SERPINI1: variants seen among roughly 807,000 people sequenced by gnomAD.
The protein encoded by SERPINI1 is neuroserpin.
A neutral mutation model predicts 41.1 loss-of-function variants in SERPINI1; 19 were observed. The observed-to-expected ratio is 0.46, with a 90% CI of 0.32 to 0.68. The LOEUF is 0.68. Among genes scored for constraint, SERPINI1 ranks in the 30% least tolerant of loss-of-function variants. The pLI, the probability that SERPINI1 is intolerant of heterozygous loss-of-function variation, is 0.03. For synonymous variants in SERPINI1, 138 were observed against 156.6 expected, an observed-to-expected ratio of 0.88 and a Z score of 0.89; for missense variants, 460 against 479.2, an observed-to-expected ratio of 0.96 and a Z score of 0.37.
At chr3:167,784,480 G>A (rs1399048534) in intron 1 of SERPINI1, among the ~76,000 whole-genome samples, 1 of 152,150 alleles carries the variant, frequency 6.6e-6, no homozygotes, top group Non-Finnish European at 1.5e-5. Flanking sequence ...TTCTCACACG[G>A]CTATGAAGAA....
intron 1 of SERPINI1, among the ~76,000 whole-genome samples, chr3:167,786,274 G>T (rs1157902507): frequency 6.6e-6 from 1 of 152,028 alleles, no homozygotes; most frequent in Non-Finnish European, 1.5e-5. Flanking sequence ...AGGCCAAGGC[G>T]GGCGGATCAC....
At chr3:167,792,114 G>A (rs1325462130) in intron 3 of SERPINI1, among the ~76,000 whole-genome samples, 4 of 152,078 alleles carry the variant, frequency 2.6e-5, no homozygotes, top group Admixed American at 2.0e-4. Context: ...GACACAGAGA[G>A]ACTGTTTGTA....
chr3:167,747,059 G>T (rs947844362), intron 1 of SERPINI1, among the ~76,000 whole-genome samples: 3 of 152,226 alleles, frequency 2.0e-5, no homozygotes, highest in African/African-American at 7.2e-5. Context: ...ACACAATGTT[G>T]TATAGCCATC....
intron 6 of SERPINI1, among the ~76,000 whole-genome samples, chr3:167,820,640 A>G (rs1254602124): frequency 6.6e-6 from 1 of 152,192 alleles, no homozygotes; most frequent in Non-Finnish European, 1.5e-5. Flanking sequence ...AGGGAGGCCA[A>G]GAGGGGGCTA....
At position 167,825,246 on chromosome 3, in the gene SERPINI1, G is replaced by A; in HGVS notation, c.1157-1G>A. On this transcript the variant is annotated splice_acceptor_variant, in intron 8 of 8. Coordinates refer to ENST00000446050, the MANE Select transcript of SERPINI1 (RefSeq NM_001122752.2). LOFTEE classifies it high-confidence loss of function. ...TTTTGTTTACTTCTGAACCAATACAGGTACAATTCTATTCATGGGACGAGT... is the reference window on the plus strand; with the variant it reads ...TTTTGTTTACTTCTGAACCAATACAAGTACAATTCTATTCATGGGACGAGT... The A allele has an allele frequency of 6.2e-7, 1 of 1,606,468 alleles. No homozygotes were observed. The highest frequency in any genetic ancestry group is 8.5e-7 in the Non-Finnish European group (1 of 1,173,248).
intron 7 of SERPINI1, among the ~76,000 whole-genome samples, chr3:167,823,550 A>G (rs1227737446): frequency 6.6e-6 from 1 of 152,206 alleles, no homozygotes; most frequent in Admixed American, 6.5e-5. Flanking sequence ...TAATAATGAC[A>G]TCAGGGTAAA....
chr3:167,751,541 TAAG>T (rs1726049248), intron 1 of SERPINI1, among the ~76,000 whole-genome samples: 2 of 152,152 alleles, frequency 1.3e-5, no homozygotes, highest in Admixed American at 1.3e-4. Context: ...GAATAGGAAA[TAAG>T]AGATTTTTCT....
intron 6 of SERPINI1, among the ~76,000 whole-genome samples, chr3:167,815,315 T>A (rs758776463): frequency 2.5e-4 from 38 of 152,172 alleles, no homozygotes; most frequent in Non-Finnish European, 4.9e-4. Flanking sequence ...TTGAAGTTTG[T>A]CTCAAGAAAA....
chr3:167,753,489 C>T (rs1356034137), intron 1 of SERPINI1, among the ~76,000 whole-genome samples: 1 of 152,000 alleles, frequency 6.6e-6, no homozygotes, highest in Non-Finnish European at 1.5e-5. Flanking sequence ...GCCAGAAACC[C>T]TAGTGGGTTT....
At chr3:167,804,749 A>C (rs867587483) in intron 5 of SERPINI1, among the ~76,000 whole-genome samples, 2 of 152,172 alleles carry the variant, frequency 1.3e-5, no homozygotes, top group African/African-American at 4.8e-5. Flanking sequence ...AGGCTGAAGC[A>C]GGAGAATTGC....
At chr3:167,804,858 T>C (rs1430395497) in intron 5 of SERPINI1, among the ~76,000 whole-genome samples, 1 of 151,996 alleles carries the variant, frequency 6.6e-6, no homozygotes, top group Non-Finnish European at 1.5e-5. Context: ...CACAAAAATA[T>C]GTTACATGAT....
chr3:167,766,199 C>T (rs1235224828), intron 1 of SERPINI1, among the ~76,000 whole-genome samples: 1 of 142,574 alleles, frequency 7.0e-6, no homozygotes, highest in African/African-American at 2.6e-5. Flanking sequence ...CTGATAAATA[C>T]GTACCCAAGA....
At chr3:167,774,783 C>A (rs1380902255) in intron 1 of SERPINI1, among the ~76,000 whole-genome samples, 1 of 152,124 alleles carries the variant, frequency 6.6e-6, no homozygotes, top group Non-Finnish European at 1.5e-5. Context: ...CCCCTCACCC[C>A]TGTCTATTGA....
intron 1 of SERPINI1, among the ~76,000 whole-genome samples, chr3:167,753,457 T>A (rs2108535828): frequency 6.6e-6 from 1 of 152,298 alleles, no homozygotes; most frequent in East Asian, 1.9e-4. Flanking sequence ...AAGCATCTAA[T>A]GTATAGCAGG....
At chr3:167,772,893 T>TATATATATATATATATAC (rs1391850018) in intron 1 of SERPINI1, among the ~76,000 whole-genome samples, 51 of 52,204 alleles carry the variant, frequency 9.8e-4, no homozygotes, top group Admixed American at 1.7e-3. Context: ...TATATATATA[T>TATATATATATATATATAC]ACACACACAC....
intron 5 of SERPINI1, among the ~76,000 whole-genome samples, chr3:167,799,635 T>G (rs1308592809): frequency 6.6e-6 from 1 of 152,194 alleles, no homozygotes; most frequent in Admixed American, 6.5e-5. Flanking sequence ...TCCACAATGG[T>G]TGAACTAATT....
chr3:167,738,532 A>G (rs1030512196), intron 1 of SERPINI1, among the ~76,000 whole-genome samples: 3 of 152,052 alleles, frequency 2.0e-5, no homozygotes, highest in Non-Finnish European at 4.4e-5. Flanking sequence ...CCTTTAGCAA[A>G]AGAGAAAAAA....
At chr3:167,802,325 C>T (rs1248114788) in intron 5 of SERPINI1, among the ~76,000 whole-genome samples, 1 of 151,622 alleles carries the variant, frequency 6.6e-6, no homozygotes, top group Non-Finnish European at 1.5e-5. Flanking sequence ...AAACTACCAT[C>T]AGAGTGAACA....
intron 1 of SERPINI1, among the ~76,000 whole-genome samples, chr3:167,746,768 A>G (rs1725873779): frequency 6.6e-6 from 1 of 152,240 alleles, no homozygotes; most frequent in Non-Finnish European, 1.5e-5. Context: ...AATAAAAAGT[A>G]CTGGTGAGGA....
Sources: gnomAD v4.1 joint callset for allele counts (sites outside exome capture counted in the v4.1 genomes callset) on GRCh38, gnomAD v4.1.1 for gene constraint, MANE v1.5 for transcripts, NCBI Gene and HGNC (gene_info 2026-07-23, HGNC 2026-07-21) for gene names.